Variants in TFCP2 observed in about 807,000 individuals in gnomAD.
TFCP2 encodes alpha-globin transcription factor CP2.
In TFCP2, 33 loss-of-function variants were observed where a neutral mutation model predicts 73.4. The observed-to-expected ratio is 0.45, with a 90% CI of 0.34 to 0.60. The LOEUF (loss-of-function observed/expected upper bound fraction) is 0.60, where lower values mean the gene tolerates loss of function less well. TFCP2 is among the 20% of genes least tolerant of loss of function. TFCP2 has a pLI of 0.01. For synonymous variants in TFCP2, 193 were observed against 211.6 expected, an observed-to-expected ratio of 0.91 and a Z score of 0.76; for missense variants, 352 against 604.0, an observed-to-expected ratio of 0.58 and a Z score of 4.37.
In TFCP2 at chr12:51,098,815, C is replaced by A. The variant is rs774540274; in HGVS notation, c.1380G>T (p.Lys460Asn). The A allele has an allele frequency of 5.0e-6, 8 of 1,613,986 alleles. No individual in the cohort carries two copies. In the South Asian group the frequency reaches 8.8e-5, roughly 18 times the overall value. ...ISPCQISQIY[K>N]QGPTGIHVLI... ...GCACATGAATTCCTGTTGGCCCCTG[C>A]TTGTAAATCTGGCTGATCTGGCAAG... Residue 460 changes from lysine (K) to asparagine (N), a missense_variant, in exon 13 of 15, where the codon AAG (lysine) becomes AAT (asparagine). Coordinates refer to ENST00000257915, the MANE Select transcript of TFCP2 (RefSeq NM_005653.5).
At chr12:51,097,481 T>C (rs1388897232) in intron 13 of TFCP2, among the ~76,000 whole-genome samples, 1 of 148,678 alleles carries the variant, frequency 6.7e-6, no homozygotes, top group Non-Finnish European at 1.5e-5. Context: ...CTTCTGACCT[T>C]GTGATCCACC....
intron 1 of TFCP2, among the ~76,000 whole-genome samples, chr12:51,168,833 G>A (rs890638464): frequency 2.0e-5 from 3 of 151,358 alleles, no homozygotes; most frequent in African/African-American, 7.3e-5. Context: ...ATGCAGTCTG[G>A]CTCTGTTGCC....
intron 10 of TFCP2, 66 bp downstream of exon 10, chr12:51,103,604 C>G: frequency 8.2e-7 from 1 of 1,221,012 alleles, no homozygotes; most frequent in Non-Finnish European, 1.2e-6. Flanking sequence ...CCATGGATAC[C>G]AGGAGGCCCT....
At chr12:51,170,343 C>CTTTTTTCTTT (rs1555149121) in intron 1 of TFCP2, among the ~76,000 whole-genome samples, 1 of 147,128 alleles carries the variant, frequency 6.8e-6, no homozygotes, top group African/African-American at 2.5e-5. Context: ...TAAAATCTTT[C>CTTTTTTCTTT]TTTTTTTTTA....
intron 1 of TFCP2, among the ~76,000 whole-genome samples, chr12:51,165,675 C>T (rs1941742854): frequency 6.6e-6 from 1 of 152,112 alleles, no homozygotes; most frequent in Non-Finnish European, 1.5e-5. Context: ...GAAGACAGAT[C>T]ATGGTGACAG....
In TFCP2 at chr12:51,130,941, T is replaced by C. The variant is rs181681827; in HGVS notation, c.123-12169A>G. ...AGGCAGGGGTTGCAGTGAGCCGAGA[T>C]TGCGCCACTGCACTCCAGCCTGGGT... is the stretch of plus-strand genomic sequence containing the variant. On this transcript the variant is annotated intron_variant, in intron 1 of 14. Transcript: ENST00000257915. 8.6e-5 allele frequency among the ~76,000 whole-genome samples: 13 copies of C among 151,686 alleles called. No homozygotes were observed. The East Asian group carries it at 2.5e-3, about 30-fold the overall frequency.
rs752870730 is a variant in TFCP2, at chr12:51,095,290, AAGAG to A, written c.1472-16_1472-13del. On this transcript the variant is annotated splice_polypyrimidine_tract_variant and intron_variant, in intron 14 of 14. Coordinates refer to ENST00000257915, the MANE Select transcript of TFCP2 (RefSeq NM_005653.5). ...ATCATTGGTTTCTGCTGTTAAAAAAAAGAGAGAGAGAGAATCATCTTTAGTCACC... is the reference window on the plus strand; with the variant it reads ...ATCATTGGTTTCTGCTGTTAAAAAAAAGAGAGAGAATCATCTTTAGTCACC... 1.1e-5 allele frequency: 18 copies of A among 1,613,120 alleles called. No homozygotes were observed. The African/African-American group carries it at 1.2e-4, about 11-fold the overall frequency.
At chr12:51,117,209 C>T (rs937778854) in intron 3 of TFCP2, among the ~76,000 whole-genome samples, 2 of 152,204 alleles carry the variant, frequency 1.3e-5, no homozygotes, top group African/African-American at 4.8e-5. Flanking sequence ...ATTAATTCCT[C>T]CCACCACCTT....
chr12:51,123,233 C>G (rs1248872095), intron 1 of TFCP2, among the ~76,000 whole-genome samples: 1 of 152,166 alleles, frequency 6.6e-6, no homozygotes, highest in African/African-American at 2.4e-5. Flanking sequence ...ACTGTATTTC[C>G]TCATCAAAGA....
intron 1 of TFCP2, among the ~76,000 whole-genome samples, chr12:51,139,679 CTT>C (rs1332641385): frequency 6.6e-6 from 1 of 152,196 alleles, no homozygotes; most frequent in Non-Finnish European, 1.5e-5. Flanking sequence ...CACCTGGCCT[CTT>C]TGACTTTTTT....
chr12:51,168,907 G>T (rs552103475), intron 1 of TFCP2, among the ~76,000 whole-genome samples: 17 of 151,824 alleles, frequency 1.1e-4, no homozygotes, highest in African/African-American at 4.1e-4. Flanking sequence ...GTTCATGCAA[G>T]TCTCCTGCCT....
At position 51,172,451 on chromosome 12, in the gene TFCP2, C is replaced by A; in HGVS notation, c.-29G>T. ...GGCTCCTTCCTTGCCCCAGGAGACA[C>A]CGTGTCTTGTACAAAGGCGCGGAGG... On this transcript the variant is annotated 5_prime_UTR_variant, in exon 1 of 15. Coordinates refer to ENST00000257915, the MANE Select transcript of TFCP2 (RefSeq NM_005653.5). The A allele has an allele frequency of 3.1e-6, 5 of 1,613,446 alleles. No homozygotes were observed. Among genetic ancestry groups the A allele is most frequent in the Non-Finnish European group, 4.2e-6 (5 of 1,179,796 alleles).
chr12:51,106,706 G>T, intron 7 of TFCP2, 93 bp from the exon 8 acceptor site: 1 of 959,118 alleles, frequency 1.0e-6, no homozygotes, highest in Non-Finnish European at 1.6e-6. Flanking sequence ...ATCTTGATTA[G>T]TAAATCTTAA....
chr12:51,098,696 T>TG (rs878924840), intron 13 of TFCP2, 80 bp downstream of exon 13: 2 of 1,492,530 alleles, frequency 1.3e-6, no homozygotes, highest in South Asian at 1.2e-5. Flanking sequence ...CAGAACACTC[T>TG]GCCCCAGGAG....
rs1399589596 is a variant in TFCP2 at position 51,159,005 on chromosome 12, TCCAAAAAAA to T, written c.122+13287_122+13295del. ...GGTGAAACCCTCTCTCTACTAAAAATCCAAAAAAAAAAAAAAAAAAAAAATTAGCCAGGC... is the reference window on the plus strand; with the variant it reads ...GGTGAAACCCTCTCTCTACTAAAAATAAAAAAAAAAAAAAATTAGCCAGGC... On this transcript the variant is annotated intron_variant, in intron 1 of 14. Coordinates refer to ENST00000257915, the MANE Select transcript of TFCP2 (RefSeq NM_005653.5). Among the ~76,000 whole-genome samples the T allele has an allele frequency of 2.5e-4, 26 of 104,414 alleles. 2 individuals carry two copies. Among genetic ancestry groups the T allele is most frequent in the African/African-American group, 8.2e-4 (21 of 25,492 alleles). The allele number at this position is 104,414 out of a possible 152,430, so 68.5% of individuals were successfully genotyped here. A position where few individuals can be genotyped will look rare whatever the true frequency, so the allele number is the denominator to read the frequency against.
At chr12:51,172,220 C>G in intron 1 of TFCP2, 81 bp downstream of exon 1, 3 of 1,572,002 alleles carry the variant, frequency 1.9e-6, no homozygotes, top group Admixed American at 3.6e-5. Flanking sequence ...CTATACACCT[C>G]CTTCCCACTC....
intron 10 of TFCP2, 90 bp downstream of exon 10, chr12:51,103,580 C>A (rs781669933): frequency 1.5e-5 from 14 of 922,256 alleles, no homozygotes; most frequent in Non-Finnish European, 2.4e-5. Context: ...TACACATATA[C>A]ACACACAACT....
chr12:51,169,434 G>C (rs2137053915), intron 1 of TFCP2, among the ~76,000 whole-genome samples: 1 of 152,000 alleles, frequency 6.6e-6, no homozygotes, highest in Non-Finnish European at 1.5e-5. Context: ...CCGGGAGACA[G>C]AGGTTGCAGT....
intron 4 of TFCP2, among the ~76,000 whole-genome samples, chr12:51,114,659 G>A (rs1418686271): frequency 4.6e-5 from 7 of 151,324 alleles, no homozygotes; most frequent in African/African-American, 1.7e-4. Flanking sequence ...TATATAAATG[G>A]CCAATAAGCA....
Sources: allele counts gnomAD v4.1 joint callset (sites outside exome capture counted in the v4.1 genomes callset), GRCh38; gene constraint gnomAD v4.1.1; transcripts MANE v1.5; gene names NCBI Gene and HGNC (gene_info 2026-07-23, HGNC 2026-07-21).